Variants in CRYL1 observed in about 807,000 individuals in gnomAD.
The protein encoded by CRYL1 is crystallin lambda 1.
In CRYL1, 29 loss-of-function variants were observed where a neutral mutation model predicts 36.6. The ratio of observed to expected loss-of-function variants is 0.79; its 90% CI spans 0.59 to 1.08. The LOEUF is 1.08. CRYL1 is among the 50% of genes least tolerant of loss of function. The probability of loss-of-function intolerance (pLI) is 0.00; values close to 1 mark genes in which losing one functional copy is unlikely to be tolerated. For synonymous variants in CRYL1, 152 were observed against 151.5 expected (o/e 1.00, Z -0.02); for missense variants, 411 against 407.9 (o/e 1.01, Z -0.06).
rs1487512826 is a variant in CRYL1 at position 20,481,784 on chromosome 13, G to A, written c.276+7586C>T. Among the ~76,000 whole-genome samples the A allele has an allele frequency of 3.9e-5, 6 of 152,014 alleles. No homozygotes were observed. Among genetic ancestry groups the A allele is most frequent in the Non-Finnish European group, 7.4e-5 (5 of 68,020 alleles). On this transcript the variant is annotated intron_variant, in intron 3 of 7. Transcript: ENST00000298248. This position sits in a 1 kb window ranked among gnomAD's most constrained non-coding sequence, Gnocchi z 4.1. ...AACTTAGCCCGGCATGGTGGTGGGC[G>A]CCTATAATCCCAGCTACTTGGGAGG...
intron 5 of CRYL1, chr13:20,431,738 C>T (rs933766586): frequency 1.7e-6 from 2 of 1,167,672 alleles, no homozygotes; most frequent in Non-Finnish European, 1.1e-6. Flanking sequence ...TAATTTTTTT[C>T]CTTTTGAAAA....
At chr13:20,458,349 C>G (rs564594793) in intron 3 of CRYL1, among the ~76,000 whole-genome samples, 2 of 152,042 alleles carry the variant, frequency 1.3e-5, no homozygotes, top group Non-Finnish European at 2.9e-5. Context: ...TAAGCAATAA[C>G]CAAAAGGGCA....
intron 5 of CRYL1, among the ~76,000 whole-genome samples, chr13:20,419,827 G>A (rs12865573): frequency 0.02 from 3,009 of 152,230 alleles, 32 homozygotes; most frequent in Middle Eastern, 0.034. Context: ...ACATGTTTTC[G>A]TTTTCTATAC....
chr13:20,476,125 A>G (rs2033162141), intron 3 of CRYL1, among the ~76,000 whole-genome samples: 1 of 152,170 alleles, frequency 6.6e-6, no homozygotes, highest in Non-Finnish European at 1.5e-5. Context: ...TAGCTACTCC[A>G]GTGTCCCAGG....
At chr13:20,503,528 C>T (rs975867209) in intron 2 of CRYL1, among the ~76,000 whole-genome samples, 9 of 152,166 alleles carry the variant, frequency 5.9e-5, no homozygotes, top group African/African-American at 1.2e-4. Context: ...CAGCAGGAAG[C>T]GAACGAATCT....
At position 20,525,657 on chromosome 13, in the gene CRYL1, C is replaced by T. The variant is rs1462191616; in HGVS notation, c.41+97G>A. 9.7e-6 allele frequency: 10 copies of T among 1,032,268 alleles called. No homozygotes were observed. In the African/African-American group the frequency reaches 1.0e-4, roughly 10 times the overall value. 63.9% of individuals were successfully genotyped at this position (1,032,268 alleles called of 1,614,324 possible). ...GGACCGGAGGCCGGGGCGGGGACAGCGACCCGGCGCCCACCCCGAGGGCCC... is the reference window on the plus strand; with the variant it reads ...GGACCGGAGGCCGGGGCGGGGACAGTGACCCGGCGCCCACCCCGAGGGCCC... On this transcript the variant is annotated intron_variant, in intron 1 of 7. Coordinates refer to ENST00000298248, the MANE Select transcript of CRYL1 (RefSeq NM_015974.3). This position sits in a 1 kb window ranked among gnomAD's most constrained non-coding sequence, Gnocchi z 4.3.
intron 3 of CRYL1, among the ~76,000 whole-genome samples, chr13:20,473,926 G>C (rs928528212): frequency 2.0e-5 from 3 of 152,192 alleles, no homozygotes; most frequent in Non-Finnish European, 4.4e-5. Context: ...AACATAGCAA[G>C]TGAATCGGGT....
At chr13:20,459,116 G>C (rs1367212236) in intron 3 of CRYL1, among the ~76,000 whole-genome samples, 1 of 151,496 alleles carries the variant, frequency 6.6e-6, no homozygotes, top group African/African-American at 2.4e-5. Flanking sequence ...GGTGCCTGTA[G>C]TCCCGGCTAC....
rs369735851 is a variant in CRYL1 at position 20,404,213 on chromosome 13, C to T, written c.876G>A (p.Pro292=). The T allele has an allele frequency of 8.1e-5, 130 of 1,613,468 alleles. 1 individual carries two copies. Among genetic ancestry groups the T allele is most frequent in the African/African-American group, 3.6e-4 (27 of 74,838 alleles). ...ACTGCCTCCTGGCAGCTAAGTGCTCCGGGTCATCAGGGACCTTCATGCACA... is the reference window on the plus strand; with the variant it reads ...ACTGCCTCCTGGCAGCTAAGTGCTCTGGGTCATCAGGGACCTTCATGCACA... The part of the protein sequence containing the change: ...QDMCMKVPDD[P]EHLAARRQWR... Residue 292 remains proline (P), a synonymous_variant, in exon 8 of 8, where the codon CCG becomes CCA. Transcript: ENST00000298248.
intron 3 of CRYL1, among the ~76,000 whole-genome samples, chr13:20,448,251 A>G (rs2032497786): frequency 6.6e-6 from 1 of 152,040 alleles, no homozygotes; most frequent in African/African-American, 2.4e-5. Flanking sequence ...AATGAAAAAC[A>G]AAGAGCAAGG....
At chr13:20,506,394 T>C (rs1167755136) in intron 2 of CRYL1, among the ~76,000 whole-genome samples, 1 of 152,242 alleles carries the variant, frequency 6.6e-6, no homozygotes. Context: ...CTAACAGTCA[T>C]AAGTTATTTA....
intron 4 of CRYL1, among the ~76,000 whole-genome samples, chr13:20,432,591 C>G (rs1272785541): frequency 6.6e-6 from 1 of 152,164 alleles, no homozygotes; most frequent in Non-Finnish European, 1.5e-5. Flanking sequence ...AGCCCCTGGC[C>G]TCCCCAGGAC....
intron 5 of CRYL1, chr13:20,431,097 CAA>C: frequency 1.0e-6 from 1 of 985,404 alleles, no homozygotes; most frequent in Non-Finnish European, 1.2e-6. Flanking sequence ...TTTGGCCCAA[CAA>C]GAGAAGCAGG....
intron 2 of CRYL1, among the ~76,000 whole-genome samples, chr13:20,512,216 C>T (rs1256346398): frequency 6.6e-6 from 1 of 152,248 alleles, no homozygotes; most frequent in Non-Finnish European, 1.5e-5. Flanking sequence ...GATGCAGATC[C>T]TCTTAGCAAG....
intron 2 of CRYL1, among the ~76,000 whole-genome samples, chr13:20,511,276 G>A (rs2033913689): frequency 6.6e-6 from 1 of 151,800 alleles, no homozygotes; most frequent in Admixed American, 6.6e-5. Context: ...TTTTTCTGTA[G>A]AGACGGGGTC....
chr13:20,443,216 T>G (rs2032383051), intron 3 of CRYL1, among the ~76,000 whole-genome samples: 1 of 152,180 alleles, frequency 6.6e-6, no homozygotes, highest in Non-Finnish European at 1.5e-5. Context: ...CCAGCAAGTC[T>G]GCTAACTGGA....
intron 2 of CRYL1, among the ~76,000 whole-genome samples, chr13:20,504,031 G>C (rs1212576957): frequency 6.6e-6 from 1 of 152,120 alleles, no homozygotes; most frequent in Non-Finnish European, 1.5e-5. Context: ...AACCAAGATC[G>C]AAGCGTACAG....
rs2031916374 is a variant in CRYL1 at position 20,425,662 on chromosome 13, A to G, written c.633+6440T>C. On this transcript the variant is annotated intron_variant, in intron 5 of 7. Coordinates refer to ENST00000298248, the MANE Select transcript of CRYL1 (RefSeq NM_015974.3). The surrounding 1 kb of genome is among the most constrained non-coding windows in gnomAD (Gnocchi z 4.4). ...AGTGAACATAGCACATGTGAGAGAA[A>G]TGTAAGCGGTAGTTACAGCAGCAAA... 6.6e-6 allele frequency among the ~76,000 whole-genome samples: 1 copy of G among 152,202 alleles called. No individual in the cohort carries two copies. Among genetic ancestry groups the G allele is most frequent in the South Asian group, 2.1e-4 (1 of 4,824 alleles).
intron 4 of CRYL1, 61 bp downstream of exon 4, chr13:20,439,532 A>T: frequency 1.3e-5 from 11 of 871,232 alleles, no homozygotes; most frequent in African/African-American, 2.8e-5. Context: ...AAAAAAAAAG[A>T]AAAAAAAAAA....
Sources: allele counts gnomAD v4.1 joint callset (sites outside exome capture counted in the v4.1 genomes callset), GRCh38; gene constraint gnomAD v4.1.1; non-coding constraint Gnocchi (gnomAD v3.1); transcripts MANE v1.5; gene names NCBI Gene and HGNC (gene_info 2026-07-23, HGNC 2026-07-21).